The following DLG5 variants were observed in gnomAD, a reference collection of about 807,000 sequenced individuals.
The protein encoded by DLG5 is discs large MAGUK scaffold protein 5, also known as disks large homolog 5.
A neutral mutation model predicts 189.8 loss-of-function variants in DLG5; 48 were observed. The observed-to-expected ratio is 0.25, with a 90% CI of 0.20 to 0.32. The LOEUF (loss-of-function observed/expected upper bound fraction) is 0.32. Among genes scored for constraint, DLG5 ranks in the 10% least tolerant of loss-of-function variants. The pLI is 1.00. For missense variants in DLG5, 2,160 were observed against 2,544.7 expected (o/e 0.85, Z 3.25); for synonymous variants, 1,016 against 1,054.1 (o/e 0.96, Z 0.70).
intron 1 of DLG5, among the ~76,000 whole-genome samples, chr10:77,886,154 ACC>A (rs1401581033): frequency 6.6e-6 from 1 of 152,000 alleles, no homozygotes; most frequent in East Asian, 1.9e-4. Flanking sequence ...ATGTCTCAGG[ACC>A]CCTTCCTATC....
chr10:77,814,459 G>GCA (rs1841936487), intron 20 of DLG5, among the ~76,000 whole-genome samples: 1 of 74,704 alleles, frequency 1.3e-5, no homozygotes, highest in Non-Finnish European at 2.6e-5. Flanking sequence ...AATAAAGCAT[G>GCA]TTTATATATA....
chr10:77,864,826 C>T (rs1844609881), intron 2 of DLG5, among the ~76,000 whole-genome samples: 1 of 152,240 alleles, frequency 6.6e-6, no homozygotes, highest in South Asian at 2.1e-4. Context: ...GAGTACATGA[C>T]TCCAGTTCAG....
chr10:77,909,410 C>T (rs765030408), intron 1 of DLG5, among the ~76,000 whole-genome samples: 15 of 152,010 alleles, frequency 9.9e-5, no homozygotes, highest in Admixed American at 6.6e-5. Flanking sequence ...ATGTAGATGA[C>T]GGGTTGATGG....
chr10:77,883,098 G>A (rs1589251123), intron 1 of DLG5, among the ~76,000 whole-genome samples: 1 of 152,182 alleles, frequency 6.6e-6, no homozygotes, highest in African/African-American at 2.4e-5. Flanking sequence ...AATGCCCAGG[G>A]TTTTTGAACA....
intron 13 of DLG5, among the ~76,000 whole-genome samples, chr10:77,828,067 ATAAG>A (rs1193673234): frequency 2.0e-5 from 3 of 150,054 alleles, no homozygotes; most frequent in Admixed American, 6.9e-5. Flanking sequence ...AAATTTAAAA[ATAAG>A]TATTACATTT....
intron 7 of DLG5, among the ~76,000 whole-genome samples, chr10:77,841,039 A>C (rs1564536575): frequency 1.3e-5 from 2 of 152,226 alleles, no homozygotes; most frequent in East Asian, 3.9e-4. Context: ...ACCTGCACAG[A>C]AAGGCAGAAT....
intron 29 of DLG5, among the ~76,000 whole-genome samples, chr10:77,795,404 C>T (rs901841786): frequency 3.3e-5 from 5 of 152,120 alleles, no homozygotes; most frequent in Non-Finnish European, 1.5e-5. Context: ...GCACTCCCGA[C>T]CCCCAGATGC....
At chr10:77,919,830 T>C (rs954785815) in intron 1 of DLG5, among the ~76,000 whole-genome samples, 1 of 152,110 alleles carries the variant, frequency 6.6e-6, no homozygotes, top group African/African-American at 2.4e-5. Flanking sequence ...TGGGCGGTGA[T>C]ATCCCTGTGT....
At chr10:77,890,452 G>A (rs1390863744) in intron 1 of DLG5, among the ~76,000 whole-genome samples, 1 of 152,086 alleles carries the variant, frequency 6.6e-6, no homozygotes, top group East Asian at 1.9e-4. Flanking sequence ...ACCACCACGG[G>A]CAAGGTACAT....
Position 77,806,786 on chromosome 10 carries a change from G to C in DLG5, c.4939C>G (p.Gln1647Glu). The stretch of plus-strand genomic sequence containing the variant: ...TATTTGCTGGGAATCTGCCCGCGCT[G>C]GATCTTCTGGGCATTCTCGTCCAGC... ...WQLDENAQKI[Q>E]RGQIPSKYVM... The change falls in exon 26 of 32, where the codon CAG (glutamine) becomes GAG (glutamate). Residue 1647 changes from glutamine (Q) to glutamate (E), a missense_variant. By Grantham distance (29) the Gln-to-Glu change is conservative. Transcript: ENST00000372391. 1 of 1,613,238 alleles carries C rather than the reference G, an allele frequency of 6.2e-7. No homozygotes were observed. Among genetic ancestry groups the C allele is most frequent in the Admixed American group, 1.7e-5 (1 of 59,982 alleles).
At chr10:77,855,298 G>A (rs1010046134) in intron 3 of DLG5, among the ~76,000 whole-genome samples, 1 of 152,228 alleles carries the variant, frequency 6.6e-6, no homozygotes, top group Admixed American at 6.5e-5. Context: ...CTCAGGCCTA[G>A]CCCCAGCCCC....
rs1181540199 is a variant in DLG5, at chr10:77,871,560, T to A, written c.305-2363A>T. On this transcript the variant is annotated intron_variant, in intron 1 of 31. Coordinates refer to ENST00000372391, the MANE Select transcript of DLG5 (RefSeq NM_004747.4). ...ACTTTTTTTTTTTTTTTTTTTTTTTTGAGACAGAGTCTTGCACTGTCGCCT... is the reference window on the plus strand; with the variant it reads ...ACTTTTTTTTTTTTTTTTTTTTTTTAGAGACAGAGTCTTGCACTGTCGCCT... Among the ~76,000 whole-genome samples the A allele has an allele frequency of 5.5e-5, 8 of 146,260 alleles. No individual in the cohort carries two copies. The East Asian group carries it at 1.6e-3, about 29-fold the overall frequency.
intron 5 of DLG5, among the ~76,000 whole-genome samples, chr10:77,849,654 C>T (rs932897417): frequency 2.0e-5 from 3 of 152,198 alleles, no homozygotes; most frequent in African/African-American, 2.4e-5. Context: ...AGGACCACAA[C>T]GGTAGGAAAA....
intron 1 of DLG5, among the ~76,000 whole-genome samples, chr10:77,894,497 A>C (rs1381337654): frequency 6.9e-6 from 1 of 144,156 alleles, no homozygotes; most frequent in African/African-American, 2.6e-5. Context: ...CATTAATTAA[A>C]TTTTCTACAT....
intron 14 of DLG5, among the ~76,000 whole-genome samples, chr10:77,823,505 A>C (rs188427900): frequency 6.6e-6 from 1 of 151,324 alleles, no homozygotes; most frequent in East Asian, 2.0e-4. Context: ...CAAGTTACAA[A>C]TATCATGACA....
At chr10:77,825,754 A>G (rs1171631791) in intron 13 of DLG5, among the ~76,000 whole-genome samples, 1 of 151,632 alleles carries the variant, frequency 6.6e-6, no homozygotes, top group Non-Finnish European at 1.5e-5. Flanking sequence ...ATGGGGTTTC[A>G]TTGTGTTGCC....
intron 1 of DLG5, among the ~76,000 whole-genome samples, chr10:77,903,438 AT>A (rs1442129150): frequency 1.1e-4 from 16 of 151,698 alleles, no homozygotes; most frequent in African/African-American, 3.1e-4. Flanking sequence ...AAAAAAAAAA[AT>A]AAAAAAGAAA....
intron 1 of DLG5, among the ~76,000 whole-genome samples, chr10:77,876,682 A>AGAGGAAGGAAGG (rs1289064824): frequency 4.8e-5 from 5 of 104,438 alleles, no homozygotes; most frequent in African/African-American, 1.3e-4. Context: ...TTTTTTTCTA[A>AGAGGAAGGAAGG]GAGGAAGGAA....
At position 77,856,842 on chromosome 10, in the gene DLG5, C is replaced by G; in HGVS notation, c.424G>C (p.Val142Leu). 6.2e-7 allele frequency: 1 copy of G among 1,613,034 alleles called. No homozygotes were observed. Among genetic ancestry groups the G allele is most frequent in the South Asian group, 1.1e-5 (1 of 90,954 alleles). The part of the protein sequence containing the change: ...SPPPLLTDQQ[V>L]NEKVENLSIQ... ...GAGAGGTTCTCCACCTTCTCATTCA[C>G]TTGCTGGTCAGTGAGGAGGGGTGGT... The change falls in exon 3 of 32, where the codon GTG becomes CTG. Residue 142 changes from valine to leucine, a missense_variant. Val to Leu is a conservative substitution (Grantham distance 32). Transcript: ENST00000372391.
Sources: gnomAD v4.1 joint callset for allele counts (sites outside exome capture counted in the v4.1 genomes callset) on GRCh38, gnomAD v4.1.1 for gene constraint, MANE v1.5 for transcripts, NCBI Gene and HGNC (gene_info 2026-07-23, HGNC 2026-07-21) for gene names.